MYO18B: variants seen among roughly 807,000 people sequenced by gnomAD.
MYO18B encodes unconventional myosin-XVIIIb.
A neutral mutation model predicts 273.0 loss-of-function variants in MYO18B; 204 were observed. The observed-to-expected ratio is 0.75, with a 90% CI of 0.67 to 0.84. The LOEUF is 0.84. Among genes scored for constraint, MYO18B ranks in the 40% least tolerant of loss-of-function variants. MYO18B has a pLI of 0.00. For synonymous variants in MYO18B, 1,330 were observed against 1,305.7 expected, an observed-to-expected ratio of 1.02 and a Z score of -0.40; for missense variants, 3,212 against 3,287.6, an observed-to-expected ratio of 0.98 and a Z score of 0.56.
chr22:25,853,807 T>C (rs2090490981), intron 21 of MYO18B, among the ~76,000 whole-genome samples: 1 of 152,158 alleles, frequency 6.6e-6, no homozygotes, highest in African/African-American at 2.4e-5. Flanking sequence ...GAGAATGGAC[T>C]TGGTTGGGAA....
intron 33 of MYO18B, among the ~76,000 whole-genome samples, chr22:25,919,557 G>A (rs1015871868): frequency 2.6e-5 from 4 of 152,024 alleles, no homozygotes; most frequent in Non-Finnish European, 1.5e-5. Flanking sequence ...ATTTGTAAAG[G>A]CAATAATAAT....
chr22:25,833,433 G>C (rs2089785794), intron 16 of MYO18B, among the ~76,000 whole-genome samples: 1 of 151,968 alleles, frequency 6.6e-6, no homozygotes, highest in East Asian at 1.9e-4. Context: ...TGGGTTCAGG[G>C]CCCTGAACTC....
intron 42 of MYO18B, among the ~76,000 whole-genome samples, chr22:26,012,738 G>T (rs1935009159): frequency 6.6e-6 from 1 of 152,160 alleles, no homozygotes; most frequent in Non-Finnish European, 1.5e-5. Flanking sequence ...CTGCAAGTTT[G>T]TAGAAAACTA....
chr22:26,005,268 T>A (rs1264298641), intron 42 of MYO18B, among the ~76,000 whole-genome samples: 1 of 152,208 alleles, frequency 6.6e-6, no homozygotes, highest in African/African-American at 2.4e-5. Context: ...GTTCAAAAAA[T>A]TTTTAATAAA....
intron 12 of MYO18B, among the ~76,000 whole-genome samples, chr22:25,809,205 AGC>A (rs1423417296): frequency 6.6e-6 from 1 of 151,972 alleles, no homozygotes; most frequent in Non-Finnish European, 1.5e-5. Flanking sequence ...AGCCTCCCAA[AGC>A]GCTGGGATTA....
At chr22:25,830,575 C>A (rs952643592) in intron 15 of MYO18B, among the ~76,000 whole-genome samples, 2 of 152,166 alleles carry the variant, frequency 1.3e-5, no homozygotes, top group African/African-American at 2.4e-5. Flanking sequence ...TAACCTTGTC[C>A]CTGTTCCACA....
chr22:25,970,387 G>A (rs1485022575), intron 39 of MYO18B, among the ~76,000 whole-genome samples: 1 of 152,124 alleles, frequency 6.6e-6, no homozygotes, highest in Admixed American at 6.5e-5. Flanking sequence ...CCCAAATGCA[G>A]TATACCCCAC....
chr22:25,925,547 A>G (rs2092407612), intron 34 of MYO18B, among the ~76,000 whole-genome samples: 1 of 152,138 alleles, frequency 6.6e-6, no homozygotes, highest in African/African-American at 2.4e-5. Context: ...AAAGCGAAGC[A>G]TCATCATCAT....
intron 21 of MYO18B, among the ~76,000 whole-genome samples, chr22:25,859,712 T>G (rs2146095546): frequency 6.6e-6 from 1 of 152,310 alleles, no homozygotes; most frequent in South Asian, 2.1e-4. Context: ...TTAATTAGGC[T>G]GTTTATCTTA....
chr22:25,860,633 C>G (rs1052096009), intron 21 of MYO18B, among the ~76,000 whole-genome samples: 2 of 152,098 alleles, frequency 1.3e-5, no homozygotes, highest in Non-Finnish European at 2.9e-5. Context: ...TTGGAACTTT[C>G]TCACCTTTTT....
chr22:26,018,675 A>G (rs779489399), intron 42 of MYO18B, among the ~76,000 whole-genome samples: 1 of 152,324 alleles, frequency 6.6e-6, no homozygotes, highest in Non-Finnish European at 1.5e-5. Context: ...GTGCATGGCC[A>G]GGCGTGGTTG....
chr22:26,003,242 C>G (rs1296795175), intron 40 of MYO18B, 23 bp from the exon 41 acceptor site: 4 of 1,602,694 alleles, frequency 2.5e-6, no homozygotes, highest in Non-Finnish European at 2.6e-6. Context: ...GGATAACACA[C>G]TCTTTCTTGT....
rs1331500253 is a variant in MYO18B at position 26,026,902 on chromosome 22, C to A, written c.6928C>A (p.Pro2310Thr). ...NLSLRVGAKS[P>T]LEIEGAAGGL... The stretch of plus-strand genomic sequence containing the variant: ...CTCGCTGAGGGTTGGGGCAAAGTCA[C>A]CCCTGGAAATCGAAGGGGCCGCTGG... Residue 2310 changes from proline to threonine, a missense_variant, in exon 43 of 44, where the codon CCC (proline) becomes ACC (threonine). By Grantham distance (38) the Pro-to-Thr change is conservative. Transcript: ENST00000335473. 13 of 1,607,324 alleles carry A rather than the reference C, an allele frequency of 8.1e-6. No individual in the cohort carries two copies. Among genetic ancestry groups the A allele is most frequent in the Non-Finnish European group, 1.0e-5 (12 of 1,175,900 alleles).
intron 1 of MYO18B, among the ~76,000 whole-genome samples, chr22:25,749,039 A>T (rs1274298621): frequency 6.6e-6 from 1 of 152,180 alleles, no homozygotes; most frequent in African/African-American, 2.4e-5. Context: ...AGACATTAAT[A>T]AACAATCAGA....
chr22:25,963,811 A>G (rs11703998), intron 39 of MYO18B, among the ~76,000 whole-genome samples: 10,211 of 151,914 alleles, frequency 0.067, 448 homozygotes, highest in Non-Finnish European at 0.1. Flanking sequence ...CATGTATACA[A>G]AAGTGTCAAA....
chr22:25,825,711 T>C (rs1005004171), intron 13 of MYO18B, among the ~76,000 whole-genome samples: 1 of 152,252 alleles, frequency 6.6e-6, no homozygotes, highest in Non-Finnish European at 1.5e-5. Context: ...ACCCATTTTC[T>C]ATTGTTGGTC....
chr22:25,831,989 A>C (rs2089723692), intron 15 of MYO18B, among the ~76,000 whole-genome samples: 1 of 152,212 alleles, frequency 6.6e-6, no homozygotes, highest in Non-Finnish European at 1.5e-5. Context: ...GATTTACAAA[A>C]GCACACAAAA....
the MYO18B span, among the ~76,000 whole-genome samples, chr22:26,045,162 C>T: frequency 2.0e-5 from 3 of 151,706 alleles, no homozygotes; most frequent in Admixed American, 6.6e-5. Flanking sequence ...TTTCTGCTTG[C>T]TCTCTTGTGT....
At chr22:26,014,830 A>G (rs532325776) in intron 42 of MYO18B, among the ~76,000 whole-genome samples, 9 of 151,594 alleles carry the variant, frequency 5.9e-5, no homozygotes, top group Admixed American at 5.9e-4. Context: ...GCTTCTTTAC[A>G]TATGCTTGTT....
Sources: gnomAD v4.1 joint callset for allele counts (sites outside exome capture counted in the v4.1 genomes callset) on GRCh38, gnomAD v4.1.1 for gene constraint, MANE v1.5 for transcripts, NCBI Gene and HGNC (gene_info 2026-07-23, HGNC 2026-07-21) for gene names.